UBE2E2: variants seen among roughly 807,000 people sequenced by gnomAD.
The protein encoded by UBE2E2 is ubiquitin-conjugating enzyme E2 E2.
In UBE2E2, 6 loss-of-function variants were observed where a neutral mutation model predicts 24.7. That is an observed-to-expected ratio of 0.24 (90% CI 0.13 to 0.48). The LOEUF (loss-of-function observed/expected upper bound fraction) is 0.48. UBE2E2 is among the 20% of genes least tolerant of loss of function. The pLI is 0.99. For synonymous variants in UBE2E2, 104 were observed against 83.6 expected, an observed-to-expected ratio of 1.24 and a Z score of -1.33; for missense variants, 169 against 245.0, an observed-to-expected ratio of 0.69 and a Z score of 2.07.
chr3:23,230,448 A>G (rs1696943460), intron 3 of UBE2E2, among the ~76,000 whole-genome samples: 1 of 152,196 alleles, frequency 6.6e-6, no homozygotes, highest in Non-Finnish European at 1.5e-5. Context: ...AAACTCATAA[A>G]TAAGGAAAAT....
At chr3:23,428,695 C>T (rs1247203654) in intron 3 of UBE2E2, among the ~76,000 whole-genome samples, 1 of 151,830 alleles carries the variant, frequency 6.6e-6, no homozygotes, top group Non-Finnish European at 1.5e-5. Context: ...AAAGAGAGGG[C>T]CAGGTGTGGT....
intron 3 of UBE2E2, among the ~76,000 whole-genome samples, chr3:23,318,880 C>T (rs1694661828): frequency 6.6e-6 from 1 of 152,194 alleles, no homozygotes; most frequent in Admixed American, 6.5e-5. Flanking sequence ...GGAAATATAT[C>T]TGTGTAAATA....
Position 23,591,076 on chromosome 3 carries a change from G to A in UBE2E2, c.*1245G>A, listed in dbSNP as rs145809785. On this transcript the variant is annotated 3_prime_UTR_variant, in exon 6 of 6. Coordinates refer to ENST00000396703, the MANE Select transcript of UBE2E2 (RefSeq NM_152653.4). ...CACGGTCAGCCCATTCAATGACAAG[G>A]GTGTCTGTCTGGCTTCACCTTCAGG... 10 of 152,126 alleles carry A rather than the reference G, an allele frequency of 6.6e-5. No individual in the cohort carries two copies. The highest frequency in any genetic ancestry group is 1.7e-4 in the African/African-American group (7 of 41,416). The allele number at this position is 152,126 out of a possible 1,614,324, so 9.4% of individuals were successfully genotyped here. A position where few individuals can be genotyped will look rare whatever the true frequency, so the allele number is the denominator to read the frequency against.
At chr3:23,424,616 A>G (rs1697881781) in intron 3 of UBE2E2, among the ~76,000 whole-genome samples, 1 of 152,156 alleles carries the variant, frequency 6.6e-6, no homozygotes, top group African/African-American at 2.4e-5. Flanking sequence ...ATAAGGTTTC[A>G]TTTAAGAATG....
At chr3:23,493,982 CT>C (rs1699552692) in intron 3 of UBE2E2, among the ~76,000 whole-genome samples, 1 of 152,196 alleles carries the variant, frequency 6.6e-6, no homozygotes, top group South Asian at 2.1e-4. Flanking sequence ...CTATAATGAT[CT>C]CATTTTGCAG....
At chr3:23,336,559 T>C (rs1411513417) in intron 3 of UBE2E2, among the ~76,000 whole-genome samples, 1 of 152,244 alleles carries the variant, frequency 6.6e-6, no homozygotes, top group East Asian at 1.9e-4. Flanking sequence ...TTAGACATAC[T>C]GGTCCTTGCA....
At chr3:23,378,141 A>G (rs930058403) in intron 3 of UBE2E2, among the ~76,000 whole-genome samples, 2 of 151,842 alleles carry the variant, frequency 1.3e-5, no homozygotes, top group East Asian at 1.9e-4. Context: ...ATAAAAATAC[A>G]AACTGAGCTC....
In UBE2E2 at chr3:23,563,451, C is replaced by A. The variant is rs549174047; in HGVS notation, c.509-26283C>A. Among the ~76,000 whole-genome samples the A allele has an allele frequency of 2.3e-4, 35 of 152,206 alleles. 1 individual carries two copies. The South Asian group carries it at 4.1e-3, about 18-fold the overall frequency. On this transcript the variant is annotated intron_variant, in intron 5 of 5. Coordinates refer to ENST00000396703, the MANE Select transcript of UBE2E2 (RefSeq NM_152653.4). ...TCTGAGAGACAGTTTGTTATAATTT[C>A]TGTACTTTTACATTTGCTGAGGAGT...
chr3:23,527,899 T>C (rs1339307493), intron 4 of UBE2E2, among the ~76,000 whole-genome samples: 1 of 152,038 alleles, frequency 6.6e-6, no homozygotes, highest in Non-Finnish European at 1.5e-5. Context: ...CTTTGTAATA[T>C]ATTTTATAAT....
intron 3 of UBE2E2, among the ~76,000 whole-genome samples, chr3:23,246,799 T>C (rs1334695383): frequency 2.0e-5 from 3 of 152,230 alleles, no homozygotes; most frequent in African/African-American, 7.2e-5. Context: ...CCAAGAATTA[T>C]GACAAAGCAT....
chr3:23,552,367 T>G (rs2125499368), intron 5 of UBE2E2, among the ~76,000 whole-genome samples: 1 of 152,202 alleles, frequency 6.6e-6, no homozygotes, highest in East Asian at 1.9e-4. Context: ...AAATAAAGTT[T>G]CAGTCAGAAT....
intron 3 of UBE2E2, among the ~76,000 whole-genome samples, chr3:23,453,953 ATAACT>A (rs1334167681): frequency 6.6e-6 from 1 of 152,228 alleles, no homozygotes; most frequent in East Asian, 1.9e-4. Context: ...CTGCTATAAA[ATAACT>A]TAAAGGTATA....
intron 3 of UBE2E2, among the ~76,000 whole-genome samples, chr3:23,382,360 T>C (rs901319751): frequency 6.6e-6 from 1 of 151,960 alleles, no homozygotes; most frequent in Non-Finnish European, 1.5e-5. Context: ...TTTTGTATTT[T>C]TAGTACAGAG....
chr3:23,309,571 G>A (rs1012616850), intron 3 of UBE2E2, among the ~76,000 whole-genome samples: 2 of 152,058 alleles, frequency 1.3e-5, no homozygotes, highest in African/African-American at 4.8e-5. Context: ...GTTCTGTCTT[G>A]GGGTATCATG....
chr3:23,417,992 G>C (rs1413711094), intron 3 of UBE2E2, among the ~76,000 whole-genome samples: 1 of 152,184 alleles, frequency 6.6e-6, no homozygotes, highest in African/African-American at 2.4e-5. Flanking sequence ...AGCTTGCTGG[G>C]CTCCGTGGGG....
rs1471915759 is a variant in UBE2E2, at chr3:23,474,328, CTG to C, written c.228-25277_228-25276del. ...ATAGATTTTGAAGATTTTTCCCACT[CTG>C]TGGGTTATCTGTTTACTGACTGAAG... On this transcript the variant is annotated intron_variant, in intron 3 of 5. Coordinates refer to ENST00000396703, the MANE Select transcript of UBE2E2 (RefSeq NM_152653.4). This position sits in a 1 kb window ranked among gnomAD's most constrained non-coding sequence, Gnocchi z 4.0. Among the ~76,000 whole-genome samples, 5 of 152,148 alleles carry C rather than the reference CTG, an allele frequency of 3.3e-5. No individual in the cohort carries two copies. Among genetic ancestry groups the C allele is most frequent in the South Asian group, 4.2e-4 (2 of 4,818 alleles).
At chr3:23,297,826 A>T (rs920644772) in intron 3 of UBE2E2, among the ~76,000 whole-genome samples, 15 of 152,136 alleles carry the variant, frequency 9.9e-5, no homozygotes, top group Admixed American at 2.6e-4. Context: ...CTGTGAAAAA[A>T]GTCATTGGTA....
intron 3 of UBE2E2, among the ~76,000 whole-genome samples, chr3:23,486,955 C>T (rs1176058484): frequency 1.3e-5 from 2 of 152,190 alleles, no homozygotes; most frequent in African/African-American, 4.8e-5. Context: ...TCACTGGGGT[C>T]CCACCACCTC....
intron 4 of UBE2E2, among the ~76,000 whole-genome samples, chr3:23,523,194 C>G (rs1694908812): frequency 1.3e-5 from 2 of 152,146 alleles, no homozygotes; most frequent in South Asian, 4.1e-4. Context: ...AAGAAGGAAT[C>G]TGTTTGCCCC....
Sources: allele counts gnomAD v4.1 joint callset (sites outside exome capture counted in the v4.1 genomes callset), GRCh38; gene constraint gnomAD v4.1.1; non-coding constraint Gnocchi (gnomAD v3.1); transcripts MANE v1.5; gene names NCBI Gene and HGNC (gene_info 2026-07-23, HGNC 2026-07-21).